PREX1: variants seen among roughly 807,000 people sequenced by gnomAD.
PREX1 encodes phosphatidylinositol 3,4,5-trisphosphate-dependent Rac exchanger 1 protein.
In PREX1, 41 loss-of-function variants were observed where a neutral mutation model predicts 198.3. The observed-to-expected ratio is 0.21, with a 90% CI of 0.16 to 0.27. The LOEUF (loss-of-function observed/expected upper bound fraction) is 0.27. Ranked by LOEUF, PREX1 falls within the 10% of genes least tolerant of loss-of-function variation. The pLI, the probability that PREX1 is intolerant of heterozygous loss-of-function variation, is 1.00. For synonymous variants in PREX1, 843 were observed against 887.2 expected (o/e 0.95, Z 0.89); for missense variants, 1,620 against 2,200.7 (o/e 0.74, Z 5.28).
chr20:48,690,540 G>A (rs1351306919), intron 9 of PREX1, among the ~76,000 whole-genome samples: 4 of 151,726 alleles, frequency 2.6e-5, no homozygotes, highest in East Asian at 1.9e-4. Flanking sequence ...GAACTGCTTC[G>A]GGGGTGCCTG....
In PREX1 at chr20:48,644,500, GCAAA is replaced by G; in HGVS notation, c.3513-7_3513-4del. 6.2e-7 allele frequency: 1 copy of G among 1,612,646 alleles called. No homozygotes were observed. On this transcript the variant is annotated splice_region_variant and splice_polypyrimidine_tract_variant and intron_variant, in intron 26 of 39. Coordinates refer to ENST00000371941, the MANE Select transcript of PREX1 (RefSeq NM_020820.4). ...AGTCTCGATTGCTGTTACACTCGCTGCAAAGGGGCCCAGAGAAGGGGCTGAGTCA... is the reference window on the plus strand; with the variant it reads ...AGTCTCGATTGCTGTTACACTCGCTGGGGGCCCAGAGAAGGGGCTGAGTCA...
intron 18 of PREX1, 137 bp downstream of exon 18, chr20:48,656,903 A>G: frequency 8.3e-7 from 1 of 1,202,914 alleles, no homozygotes; most frequent in Non-Finnish European, 1.1e-6. Flanking sequence ...GAATTAATGA[A>G]GGTCCAGCTT....
chr20:48,634,696 A>G lies in PREX1; in HGVS notation c.4247T>C (p.Leu1416Pro). The G allele has an allele frequency of 6.2e-7, 1 of 1,614,192 alleles. No individual in the cohort carries two copies. Reference sequence around the variant, plus strand: ...CTCACTGGCCACATAGTTCTCGTCCAGCTGCTTAAAGGAGAAGGTGACATT... The same window carrying G: ...CTCACTGGCCACATAGTTCTCGTCCGGCTGCTTAAAGGAGAAGGTGACATT... ...LDNVTFSFKQ[L>P]DENYVANTNV... The change falls in exon 33 of 40, where the codon CTG becomes CCG. Residue 1416 changes from leucine (L) to proline (P), a missense_variant. Around this residue, in one of 7 missense-constraint regions of PREX1, gnomAD observed 476 missense variants for 603.4 expected, o/e 0.79. Coordinates refer to ENST00000371941, the MANE Select transcript of PREX1 (RefSeq NM_020820.4).
intron 1 of PREX1, among the ~76,000 whole-genome samples, chr20:48,792,742 T>C (rs1485081175): frequency 1.4e-5 from 2 of 143,966 alleles, no homozygotes; most frequent in African/African-American, 5.2e-5. Context: ...TGGAATATGA[T>C]ACAGCCATAA....
At chr20:48,632,953 G>C (rs913759977) in intron 33 of PREX1, among the ~76,000 whole-genome samples, 1 of 152,160 alleles carries the variant, frequency 6.6e-6, no homozygotes, top group South Asian at 2.1e-4. Context: ...GCCTACTTAG[G>C]GGGTCCACAG....
At chr20:48,659,606 G>T (rs1335147582) in intron 16 of PREX1, among the ~76,000 whole-genome samples, 1 of 152,040 alleles carries the variant, frequency 6.6e-6, no homozygotes, top group African/African-American at 2.4e-5. Flanking sequence ...GTTAAGATGG[G>T]GGCTGCTGTG....
rs559716246 is a variant in PREX1, at chr20:48,627,560, T to A, written c.4925A>T (p.Gln1642Leu). 9.9e-6 allele frequency: 16 copies of A among 1,613,664 alleles called. No individual in the cohort carries two copies. In the South Asian group the frequency reaches 1.4e-4, roughly 14 times the overall value. ...KNLRVKDQMP[Q>L]GAPRLYRLCQ... ...GGCAGCCACTCACCGCGGAGCACCC[T>A]GGGGCATCTGGTCCTTGACTCGCAG... The change falls in exon 39 of 40, where the codon CAG (glutamine) becomes CTG (leucine). Residue 1642 changes from glutamine to leucine, a missense_variant. Gln to Leu is a moderately radical substitution (Grantham distance 113, BLOSUM62 -2). Around this residue, in one of 7 missense-constraint regions of PREX1, gnomAD observed 476 missense variants for 603.4 expected, o/e 0.79. Coordinates refer to ENST00000371941, the MANE Select transcript of PREX1 (RefSeq NM_020820.4).
At chr20:48,655,021 G>A (rs2089531666) in intron 19 of PREX1, among the ~76,000 whole-genome samples, 1 of 152,212 alleles carries the variant, frequency 6.6e-6, no homozygotes, top group Non-Finnish European at 1.5e-5. Flanking sequence ...AGGAGCCACT[G>A]CTCCTTCCAG....
the PREX1 span, among the ~76,000 whole-genome samples, chr20:48,861,749 C>T: frequency 4.0e-4 from 61 of 152,112 alleles, no homozygotes; most frequent in Non-Finnish European, 7.9e-4. Flanking sequence ...GGACCAGTTT[C>T]CCAAATAGGG....
chr20:48,668,147 G>A (rs1474916614), intron 14 of PREX1, among the ~76,000 whole-genome samples: 9 of 131,982 alleles, frequency 6.8e-5, no homozygotes, highest in African/African-American at 2.3e-4. Context: ...TGTGTGACAC[G>A]TGTGTGTGTG....
chr20:48,775,667 G>A (rs558652475), intron 1 of PREX1, among the ~76,000 whole-genome samples: 23 of 69,058 alleles, frequency 3.3e-4, no homozygotes, highest in South Asian at 1.1e-3. Flanking sequence ...GGTCTTTCCC[G>A]TGCTGTTCTC....
intron 3 of PREX1, 53 bp from the exon 4 acceptor site, chr20:48,734,703 G>GC: frequency 6.6e-7 from 1 of 1,510,620 alleles, no homozygotes; most frequent in Non-Finnish European, 9.2e-7. Flanking sequence ...GCAGGCAGGT[G>GC]CCCTGACACA....
intron 7 of PREX1, among the ~76,000 whole-genome samples, chr20:48,698,497 AG>A (rs1285859346): frequency 2.0e-5 from 3 of 152,192 alleles, no homozygotes; most frequent in Non-Finnish European, 2.9e-5. Flanking sequence ...CTCTGAGGAC[AG>A]CCCCAGAGAG....
intron 14 of PREX1, among the ~76,000 whole-genome samples, chr20:48,669,659 G>A (rs1378152943): frequency 6.6e-6 from 1 of 152,052 alleles, no homozygotes; most frequent in Non-Finnish European, 1.5e-5. Context: ...TCCCTGTCTC[G>A]GTCTCTGTCT....
intron 37 of PREX1, among the ~76,000 whole-genome samples, chr20:48,628,322 G>A (rs1427656973): frequency 6.6e-6 from 1 of 152,190 alleles, no homozygotes; most frequent in Non-Finnish European, 1.5e-5. Context: ...GGCTCCGTGG[G>A]GTTTGAGATG....
chr20:48,758,258 T>C (rs1883745), intron 1 of PREX1, among the ~76,000 whole-genome samples: 62,086 of 152,010 alleles, frequency 0.41, 13,019 homozygotes, highest in Admixed American at 0.46. Context: ...AGTCTGTACA[T>C]CAGCCCTGTC....
chr20:48,876,618 T>A, the PREX1 span, among the ~76,000 whole-genome samples: 3 of 152,082 alleles, frequency 2.0e-5, no homozygotes, highest in Non-Finnish European at 2.9e-5. Context: ...GGAAGTCACA[T>A]CCTCAAGCAA....
At chr20:48,698,980 T>A (rs2123063885) in intron 7 of PREX1, among the ~76,000 whole-genome samples, 2 of 152,162 alleles carry the variant, frequency 1.3e-5, no homozygotes, top group East Asian at 3.8e-4. Context: ...ATGGCGGGCC[T>A]AGCTCTTAAC....
chr20:48,810,235 T>TA (rs1352491950), intron 1 of PREX1, among the ~76,000 whole-genome samples: 1 of 151,986 alleles, frequency 6.6e-6, no homozygotes, highest in Admixed American at 6.6e-5. Context: ...TTCCATCTGA[T>TA]ACACGCAAGG....
Sources: allele counts gnomAD v4.1 joint callset (sites outside exome capture counted in the v4.1 genomes callset), GRCh38; gene constraint gnomAD v4.1.1; regional missense constraint gnomAD v4.1.1; transcripts MANE v1.5; gene names NCBI Gene and HGNC (gene_info 2026-07-23, HGNC 2026-07-21).